The following ABAT variants were observed in gnomAD, a reference collection of about 807,000 sequenced individuals.
ABAT encodes 4-aminobutyrate aminotransferase, also known as 4-aminobutyrate aminotransferase, mitochondrial.
ABAT carries 45 observed loss-of-function variants against 64.6 expected under a neutral mutation model. That is an observed-to-expected ratio of 0.70 (90% confidence interval 0.55 to 0.89). ABAT has a LOEUF of 0.89. ABAT is among the 40% of genes least tolerant of loss of function. The pLI is 0.00. For synonymous variants in ABAT, 297 were observed against 250.5 expected (o/e 1.19, Z -1.75); for missense variants, 633 against 658.4 (o/e 0.96, Z 0.42).
At chr16:8,716,518 G>C (rs1270184510) in intron 1 of ABAT, among the ~76,000 whole-genome samples, 1 of 152,082 alleles carries the variant, frequency 6.6e-6, no homozygotes, top group Non-Finnish European at 1.5e-5. Context: ...CTGTACCCAG[G>C]GCGTGCTTCA....
In ABAT at chr16:8,765,192, C is replaced by T. The variant is rs2059909686; in HGVS notation, c.540+362C>T. ...ACTAAAAAAAAATTCAAAAATTGGC[C>T]AGGCATGGTGACGCATGCCTGTAGT... is the stretch of plus-strand genomic sequence containing the variant. On this transcript the variant is annotated intron_variant, in intron 8 of 15. Coordinates refer to ENST00000268251, the MANE Select transcript of ABAT (RefSeq NM_020686.6). Among the ~76,000 whole-genome samples, 3 of 150,482 alleles carry T rather than the reference C, an allele frequency of 2.0e-5. No homozygotes were observed. In the South Asian group the frequency reaches 6.3e-4, roughly 32 times the overall value.
intron 3 of ABAT, 28 bp from the exon 4 acceptor site, chr16:8,748,080 A>C: frequency 6.2e-7 from 1 of 1,611,320 alleles, no homozygotes; most frequent in South Asian, 1.1e-5. Flanking sequence ...TGGACTTGCT[A>C]TAATGCTTTT....
At chr16:8,738,253 C>T (rs868826687) in intron 2 of ABAT, among the ~76,000 whole-genome samples, 7 of 151,668 alleles carry the variant, frequency 4.6e-5, no homozygotes, top group African/African-American at 9.7e-5. Context: ...CCTGGGAGAT[C>T]GAGGCTGCAG....
chr16:8,691,866 C>T (rs1004667944), intron 1 of ABAT, among the ~76,000 whole-genome samples: 1 of 152,200 alleles, frequency 6.6e-6, no homozygotes, highest in Non-Finnish European at 1.5e-5. Flanking sequence ...ACTCCTCCCT[C>T]CGCAACAAAG....
intron 1 of ABAT, among the ~76,000 whole-genome samples, chr16:8,684,630 G>A (rs2057411109): frequency 6.6e-6 from 1 of 151,724 alleles, no homozygotes; most frequent in African/African-American, 2.4e-5. Context: ...GAGGCAGGAG[G>A]GTCGCTTGAG....
At chr16:8,748,600 C>CTAGTT in intron 4 of ABAT, among the ~76,000 whole-genome samples, 1 of 152,142 alleles carries the variant, frequency 6.6e-6, no homozygotes, top group South Asian at 2.1e-4. Context: ...AATCTTCTCC[C>CTAGTT]TAGTTGTCCT....
chr16:8,720,055 T>G (rs1281174041), intron 1 of ABAT, among the ~76,000 whole-genome samples: 1 of 152,168 alleles, frequency 6.6e-6, no homozygotes, highest in Non-Finnish European at 1.5e-5. Context: ...TCAGGTGATC[T>G]GCCTGCCTCG....
At chr16:8,700,477 GC>G (rs1302818275) in intron 1 of ABAT, among the ~76,000 whole-genome samples, 1 of 152,108 alleles carries the variant, frequency 6.6e-6, no homozygotes, top group Non-Finnish European at 1.5e-5. Flanking sequence ...GTGGGTAACT[GC>G]TATTTAACAT....
At chr16:8,718,950 T>C (rs1419711751) in intron 1 of ABAT, among the ~76,000 whole-genome samples, 1 of 152,222 alleles carries the variant, frequency 6.6e-6, no homozygotes, top group Non-Finnish European at 1.5e-5. Context: ...GTGTGGTCCT[T>C]GAAGGAAATA....
At chr16:8,716,462 C>G (rs1250562692) in intron 1 of ABAT, among the ~76,000 whole-genome samples, 1 of 152,058 alleles carries the variant, frequency 6.6e-6, no homozygotes, top group Non-Finnish European at 1.5e-5. Context: ...ATCCCAGCAC[C>G]CTCACCTTGG....
intron 1 of ABAT, among the ~76,000 whole-genome samples, chr16:8,729,761 A>C (rs1181349634): frequency 6.6e-6 from 1 of 150,800 alleles, no homozygotes; most frequent in Non-Finnish European, 1.5e-5. Context: ...CAGGAGTTCA[A>C]GGCTGCAGTG....
chr16:8,757,565 T>G (rs986778831), intron 5 of ABAT, among the ~76,000 whole-genome samples, 192 bp from the exon 6 acceptor site: 1 of 152,156 alleles, frequency 6.6e-6, no homozygotes, highest in African/African-American at 2.4e-5. Flanking sequence ...AGGCTGCCCC[T>G]TGAGAGATTC....
chr16:8,717,176 G>C (rs1041204368), intron 1 of ABAT, among the ~76,000 whole-genome samples: 4 of 152,116 alleles, frequency 2.6e-5, no homozygotes, highest in Non-Finnish European at 5.9e-5. Flanking sequence ...TGTCATCCCA[G>C]CTACTCGGGA....
rs557134968 is a variant in ABAT at position 8,781,239 on chromosome 16, T to G, written c.1382-70T>G. ...GATGAGCGTTGCCAACAGGCATCAC[T>G]TTCCCCCCAGCTCTCCCAGCATGTG... On this transcript the variant is annotated intron_variant, in intron 15 of 15. Transcript: ENST00000268251. This position sits in a 1 kb window ranked among gnomAD's most constrained non-coding sequence, Gnocchi z 4.5. 161 of 1,610,640 alleles carry G rather than the reference T, an allele frequency of 1.0e-4. No individual in the cohort carries two copies. The African/African-American group carries it at 1.9e-3, about 19-fold the overall frequency.
chr16:8,753,790 G>T (rs189764064), intron 5 of ABAT, among the ~76,000 whole-genome samples: 15 of 152,232 alleles, frequency 9.9e-5, no homozygotes, highest in Admixed American at 9.2e-4. Context: ...AACCACCTTG[G>T]TCCCCCTCCA....
chr16:8,781,182 T>C lies in ABAT; in HGVS notation c.1382-127T>C. 1 of 1,447,576 alleles carries C rather than the reference T, an allele frequency of 6.9e-7. No individual in the cohort carries two copies. Among genetic ancestry groups the C allele is most frequent in the South Asian group, 1.1e-5 (1 of 87,164 alleles). The allele number at this position is 1,447,576 out of a possible 1,614,324, so 89.7% of individuals were successfully genotyped here. On this transcript the variant is annotated intron_variant, in intron 15 of 15. Transcript: ENST00000268251. This position sits in a 1 kb window ranked among gnomAD's most constrained non-coding sequence, Gnocchi z 4.5. Reference sequence around the variant, plus strand: ...AGGAAGGAAGCCCGGGCTTCCATGATGGAGGATGATGGATGGATGGATGGA... The same window carrying C: ...AGGAAGGAAGCCCGGGCTTCCATGACGGAGGATGATGGATGGATGGATGGA...
intron 12 of ABAT, among the ~76,000 whole-genome samples, 188 bp downstream of exon 12, chr16:8,773,105 T>TATACACACACACACAC (rs774327698): frequency 7.3e-5 from 8 of 108,966 alleles, no homozygotes; most frequent in Non-Finnish European, 1.1e-4. Flanking sequence ...CCTAAAACTA[T>TATACACACACACACAC]ACACACACAC....
chr16:8,691,279 G>C (rs538601581), intron 1 of ABAT, among the ~76,000 whole-genome samples: 1 of 152,168 alleles, frequency 6.6e-6, no homozygotes, highest in Non-Finnish European at 1.5e-5. Context: ...GGCTATTACA[G>C]AACTTGCACC....
intron 1 of ABAT, among the ~76,000 whole-genome samples, chr16:8,689,634 T>C (rs747330): frequency 0.42 from 64,436 of 152,024 alleles, 13,956 homozygotes; most frequent in East Asian, 0.65. Context: ...AAAGGGGAGC[T>C]GTGTAGGATT....
Sources: gnomAD v4.1 joint callset for allele counts (sites outside exome capture counted in the v4.1 genomes callset) on GRCh38, gnomAD v4.1.1 for gene constraint, Gnocchi (gnomAD v3.1) non-coding constraint, MANE v1.5 for transcripts, NCBI Gene and HGNC (gene_info 2026-07-23, HGNC 2026-07-21) for gene names.